Variants in TPM3 observed in about 807,000 individuals in gnomAD.
The protein encoded by TPM3 is tropomyosin 3, also known as tropomyosin alpha-3 chain.
A neutral mutation model predicts 43.1 loss-of-function variants in TPM3; 16 were observed. The ratio of observed to expected loss-of-function variants is 0.37; its 90% CI spans 0.25 to 0.56. The LOEUF (loss-of-function observed/expected upper bound fraction) is 0.56. TPM3 is among the 20% of genes least tolerant of loss of function. The probability of loss-of-function intolerance (pLI) is 0.77; values close to 1 mark genes in which losing one functional copy is unlikely to be tolerated. For synonymous variants in TPM3, 101 were observed against 116.9 expected (o/e 0.86, Z 0.88); for missense variants, 176 against 337.2 (o/e 0.52, Z 3.74).
chr1:154,172,961 C>T lies in TPM3; in HGVS notation c.513G>A (p.Val171=), dbSNP rs545488474. Residue 171 remains valine (V), a synonymous_variant, in exon 5 of 10, where the codon GTG becomes GTA. Transcript: ENST00000651641. ...TGCGTTCCAAGTCTCCTTCAATGAT[C>T]ACCAACTTACGAGCCACCTACAGGA... The part of the protein sequence containing the change: ...RKYEEVARKL[V]IIEGDLERTE... 1.2e-6 allele frequency: 2 copies of T among 1,614,190 alleles called. No individual in the cohort carries two copies. Among genetic ancestry groups the T allele is most frequent in the East Asian group, 2.2e-5 (1 of 44,890 alleles).
chr1:154,167,996 G>A, intron 9 of TPM3, 56 bp from the exon 10 acceptor site: 1 of 1,612,178 alleles, frequency 6.2e-7, no homozygotes, highest in Non-Finnish European at 8.5e-7. Context: ...AATCTAGATA[G>A]CAAACTGGGA....
At chr1:154,159,110 G>A (rs996680908), downstream of TPM3, 5 of 770,692 alleles carry the variant, frequency 6.5e-6, no homozygotes, top group Non-Finnish European at 1.2e-5. Context: ...GGAGGAGAAA[G>A]AGAAAAAGGG....
At position 154,162,626 on chromosome 1, in the gene TPM3, C is replaced by T. The variant is rs534006729; in HGVS notation, c.*5311G>A. Among the ~76,000 whole-genome samples, 1 of 152,210 alleles carries T rather than the reference C, an allele frequency of 6.6e-6. No individual in the cohort carries two copies. Among genetic ancestry groups the T allele is most frequent in the African/African-American group, 2.4e-5 (1 of 41,534 alleles). ...GTTCTTAGAAATTAAGAGGGGGTAA[C>T]ATTAAGGGGACAAATGTTTTACTCT... On this transcript the variant is annotated 3_prime_UTR_variant, in exon 10 of 10. Coordinates refer to ENST00000651641, the MANE Select transcript of TPM3 (RefSeq NM_152263.4).
chr1:154,181,289 C>T (rs1338930325), intron 2 of TPM3, among the ~76,000 whole-genome samples: 1 of 152,212 alleles, frequency 6.6e-6, no homozygotes, highest in African/African-American at 2.4e-5. Flanking sequence ...AGTATTTAAA[C>T]TGGAGGGCAG....
At chr1:154,189,208 C>T (rs1183433209) in intron 2 of TPM3, among the ~76,000 whole-genome samples, 1 of 142,968 alleles carries the variant, frequency 7.0e-6, no homozygotes, top group Non-Finnish European at 1.5e-5. Flanking sequence ...TTAGGCTGGG[C>T]GCAGTGGCTC....
At chr1:154,181,689 G>T (rs1662962126) in intron 2 of TPM3, among the ~76,000 whole-genome samples, 1 of 152,224 alleles carries the variant, frequency 6.6e-6, no homozygotes, top group African/African-American at 2.4e-5. Flanking sequence ...GGAGGCAGAG[G>T]TGGGTGGATC....
chr1:154,177,540 A>G (rs781308630), intron 2 of TPM3, among the ~76,000 whole-genome samples: 1 of 152,114 alleles, frequency 6.6e-6, no homozygotes, highest in Non-Finnish European at 1.5e-5. Context: ...CGCTACCTTT[A>G]CTGGTGGGAG....
downstream of TPM3, among the ~76,000 whole-genome samples, chr1:154,160,132 T>C (rs1660201456): frequency 2.0e-5 from 3 of 152,080 alleles, no homozygotes; most frequent in Middle Eastern, 3.4e-3. Flanking sequence ...TAGTGGGATA[T>C]GGAAGATTCA....
At position 154,165,444 on chromosome 1, in the gene TPM3, C is replaced by T. The variant is rs1660834091; in HGVS notation, c.*2493G>A. Among the ~76,000 whole-genome samples, 1 of 151,812 alleles carries T rather than the reference C, an allele frequency of 6.6e-6. No individual in the cohort carries two copies. The highest frequency in any genetic ancestry group is 2.4e-5 in the African/African-American group (1 of 41,348). ...CAATATTCACTATCCCACAACCCAA[C>T]TCTGCTTGTCAAAAATCCACTTTTG... On this transcript the variant is annotated 3_prime_UTR_variant, in exon 10 of 10. Transcript: ENST00000651641.
chr1:154,171,549 G>C, intron 5 of TPM3, 61 bp from the exon 6 acceptor site: 1 of 1,566,444 alleles, frequency 6.4e-7, no homozygotes. Flanking sequence ...TAAAAAAAGG[G>C]AGAGAGACAC....
intron 2 of TPM3, among the ~76,000 whole-genome samples, chr1:154,186,699 A>C (rs1016190480): frequency 2.6e-5 from 4 of 151,734 alleles, no homozygotes; most frequent in Non-Finnish European, 5.9e-5. Context: ...TAAATATGCT[A>C]CTACTGAATT....
chr1:154,185,016 C>G (rs1172900278), intron 2 of TPM3, among the ~76,000 whole-genome samples: 1 of 152,040 alleles, frequency 6.6e-6, no homozygotes, highest in Non-Finnish European at 1.5e-5. Context: ...TCTGTTACAA[C>G]TTTTACCAAT....
chr1:154,179,335 AGT>A (rs1361131737), intron 2 of TPM3, among the ~76,000 whole-genome samples: 1 of 152,180 alleles, frequency 6.6e-6, no homozygotes, highest in Non-Finnish European at 1.5e-5. Context: ...CTCCCCTGTG[AGT>A]GTGTGTTCTA....
At chr1:154,155,608 C>A (rs894724351), downstream of TPM3, 6 of 235,202 alleles carry the variant, frequency 2.6e-5, no homozygotes, top group Non-Finnish European at 4.2e-5. Flanking sequence ...ACACAGCCGG[C>A]CTCTAAGCAA....
At chr1:154,173,839 A>G (rs867792812) in intron 3 of TPM3, among the ~76,000 whole-genome samples, 16 of 152,022 alleles carry the variant, frequency 1.1e-4, no homozygotes, top group African/African-American at 3.4e-4. Context: ...AAATACAAAA[A>G]TTAGCCAGGT....
chr1:154,180,035 A>G (rs967469835), intron 2 of TPM3, among the ~76,000 whole-genome samples: 6 of 152,244 alleles, frequency 3.9e-5, no homozygotes, highest in African/African-American at 1.4e-4. Flanking sequence ...GAGATAAGGA[A>G]AAAGACTGCA....
At chr1:154,187,618 T>C (rs1317449572) in intron 2 of TPM3, among the ~76,000 whole-genome samples, 1 of 151,674 alleles carries the variant, frequency 6.6e-6, no homozygotes, top group African/African-American at 2.4e-5. Context: ...TGTACATGTG[T>C]AAAACAGATT....
downstream of TPM3, chr1:154,155,788 GA>G: frequency 4.4e-6 from 1 of 224,822 alleles, no homozygotes; most frequent in Non-Finnish European, 8.9e-6. Flanking sequence ...GGTTGTGAAG[GA>G]AAATGTATAT....
At chr1:154,184,064 T>C (rs922228067) in intron 2 of TPM3, among the ~76,000 whole-genome samples, 3 of 151,966 alleles carry the variant, frequency 2.0e-5, no homozygotes, top group Admixed American at 2.0e-4. Context: ...TTTTTATTTT[T>C]TGGGACGGAG....
Sources: allele counts gnomAD v4.1 joint callset (sites outside exome capture counted in the v4.1 genomes callset), GRCh38; gene constraint gnomAD v4.1.1; transcripts MANE v1.5; gene names NCBI Gene and HGNC (gene_info 2026-07-23, HGNC 2026-07-21).